ASH1L: variants seen among roughly 807,000 people sequenced by gnomAD.
The protein encoded by ASH1L is histone-lysine N-methyltransferase ASH1L.
In ASH1L, 23 loss-of-function variants were observed where a neutral mutation model predicts 269.0. The ratio of observed to expected loss-of-function variants is 0.09; its 90% confidence interval spans 0.06 to 0.12. ASH1L has a LOEUF of 0.12. ASH1L is among the 10% of genes least tolerant of loss of function. ASH1L has a pLI of 1.00. For synonymous variants in ASH1L, 1,187 were observed against 1,253.5 expected (o/e 0.95, Z 1.12); for missense variants, 2,912 against 3,567.8 (o/e 0.82, Z 4.68).
At chr1:155,372,152 C>T (rs1032126846) in intron 10 of ASH1L, among the ~76,000 whole-genome samples, 5 of 151,524 alleles carry the variant, frequency 3.3e-5, no homozygotes, top group South Asian at 2.1e-4. Flanking sequence ...CCACAACACC[C>T]GGGTAATTTT....
rs558503263 is a variant in ASH1L, at chr1:155,376,374, T to C, written c.6332+1907A>G. 2.6e-5 allele frequency among the ~76,000 whole-genome samples: 4 copies of C among 152,334 alleles called. No homozygotes were observed. In the South Asian group the frequency reaches 8.3e-4, roughly 32 times the overall value. ...AAGCTACTTTTGGCCATGAGAACTATCCAGAACAGGAAATACTGATGTAAA... is the reference window on the plus strand; with the variant it reads ...AAGCTACTTTTGGCCATGAGAACTACCCAGAACAGGAAATACTGATGTAAA... On this transcript the variant is annotated intron_variant, in intron 10 of 27. Coordinates refer to ENST00000392403, the MANE Select transcript of ASH1L (RefSeq NM_018489.3).
In ASH1L at chr1:155,562,479, C is replaced by A. The variant is rs1437003173; in HGVS notation, c.-426G>T. On this transcript the variant is annotated 5_prime_UTR_variant, in exon 1 of 28. Coordinates refer to ENST00000392403, the MANE Select transcript of ASH1L (RefSeq NM_018489.3). ...AGTGGCGGCGGTGGCGGCGGCAGCT[C>A]CTCCAGAGGGAGGGAGCGAAGGGCG... The A allele has an allele frequency of 4.8e-6, 7 of 1,472,732 alleles. No homozygotes were observed. In the Middle Eastern group the frequency reaches 7.0e-4, roughly 147 times the overall value. The allele number at this position is 1,472,732 out of a possible 1,614,324, so 91.2% of individuals were successfully genotyped here. A position where few individuals can be genotyped will look rare whatever the true frequency, so the allele number is the denominator to read the frequency against.
At chr1:155,433,751 C>G in intron 5 of ASH1L, 1 of 1,603,992 alleles carries the variant, frequency 6.2e-7, no homozygotes, top group Non-Finnish European at 8.5e-7. Context: ...TGAGGGTCTG[C>G]AGCTTAGCTT....
chr1:155,456,467 C>A (rs1346549501), intron 4 of ASH1L, among the ~76,000 whole-genome samples: 1 of 152,162 alleles, frequency 6.6e-6, no homozygotes, highest in Non-Finnish European at 1.5e-5. Flanking sequence ...GTTTAGGCTT[C>A]TGTGACATAT....
chr1:155,525,112 T>C (rs1669155548), intron 1 of ASH1L, among the ~76,000 whole-genome samples: 1 of 151,872 alleles, frequency 6.6e-6, no homozygotes, highest in Non-Finnish European at 1.5e-5. Flanking sequence ...CCCAGCATGG[T>C]GGTGCACACC....
chr1:155,503,180 T>C (rs935547174), intron 2 of ASH1L, among the ~76,000 whole-genome samples: 2 of 152,254 alleles, frequency 1.3e-5, no homozygotes, highest in Non-Finnish European at 2.9e-5. Context: ...TTTGTTTCAC[T>C]GTTTTTACTG....
At chr1:155,544,373 G>T (rs1670649337) in intron 1 of ASH1L, among the ~76,000 whole-genome samples, 1 of 150,228 alleles carries the variant, frequency 6.7e-6, no homozygotes, top group Non-Finnish European at 1.5e-5. Flanking sequence ...TGCAAGCTCT[G>T]CCTCCCGGGT....
intron 10 of ASH1L, among the ~76,000 whole-genome samples, chr1:155,373,466 A>G (rs914535578): frequency 6.6e-6 from 1 of 151,698 alleles, no homozygotes; most frequent in Non-Finnish European, 1.5e-5. Flanking sequence ...TAAAAAAAAA[A>G]TTATTTGTAG....
At chr1:155,510,083 A>C (rs768723411) in intron 2 of ASH1L, among the ~76,000 whole-genome samples, 1 of 152,194 alleles carries the variant, frequency 6.6e-6, no homozygotes, top group Non-Finnish European at 1.5e-5. Flanking sequence ...ATGGCAAAAT[A>C]ACATAACCAA....
At chr1:155,527,657 C>A (rs1385781302) in intron 1 of ASH1L, among the ~76,000 whole-genome samples, 1 of 151,586 alleles carries the variant, frequency 6.6e-6, no homozygotes, top group African/African-American at 2.4e-5. Flanking sequence ...CTGCCTCAGA[C>A]CCCAAGTAGC....
chr1:155,412,957 G>C (rs1243214235), intron 6 of ASH1L, among the ~76,000 whole-genome samples: 4 of 151,272 alleles, frequency 2.6e-5, no homozygotes, highest in Non-Finnish European at 5.9e-5. Flanking sequence ...TGCTCTTACA[G>C]ACTTCTTTGT....
At chr1:155,510,589 G>A (rs185375574) in intron 2 of ASH1L, among the ~76,000 whole-genome samples, 35 of 152,200 alleles carry the variant, frequency 2.3e-4, no homozygotes, top group African/African-American at 8.2e-4. Context: ...GAACATGTAT[G>A]TAGGGGATGC....
At chr1:155,562,819 C>T, upstream of ASH1L, 1 of 577,392 alleles carries the variant, frequency 1.7e-6, no homozygotes, top group East Asian at 4.2e-5. Flanking sequence ...CCTCCTCCTC[C>T]ACCTCCTCTT....
rs1570944154 is a variant in ASH1L at position 155,343,283 on chromosome 1, G to T, written c.8293+31C>A. The T allele has an allele frequency of 6.3e-7, 1 of 1,592,720 alleles. No homozygotes were observed. Among genetic ancestry groups the T allele is most frequent in the Non-Finnish European group, 8.6e-7 (1 of 1,168,606 alleles). On this transcript the variant is annotated intron_variant, in intron 24 of 27. Transcript: ENST00000392403. The surrounding 1 kb of genome is among the most constrained non-coding windows in gnomAD (Gnocchi z 6.1). ...AGCGTGAGCCACTGCACTTGGCCGA[G>T]GTCATTTTTTAACTAGCCCAGATCA...
rs757654497 is a variant in ASH1L at position 155,337,765 on chromosome 1, C to G, written c.8804-14G>C. ...TCACATCAATGGCTGAAAACAGAACCAAGGAGGCTCATCAAAATACCAATC... is the reference window on the plus strand; with the variant it reads ...TCACATCAATGGCTGAAAACAGAACGAAGGAGGCTCATCAAAATACCAATC... On this transcript the variant is annotated splice_polypyrimidine_tract_variant and intron_variant, in intron 27 of 27. Coordinates refer to ENST00000392403, the MANE Select transcript of ASH1L (RefSeq NM_018489.3). 2 of 1,609,300 alleles carry G rather than the reference C, an allele frequency of 1.2e-6. No individual in the cohort carries two copies. Among genetic ancestry groups the G allele is most frequent in the Non-Finnish European group, 1.7e-6 (2 of 1,175,744 alleles).
At chr1:155,512,983 G>A (rs979874114) in intron 2 of ASH1L, among the ~76,000 whole-genome samples, 2 of 151,888 alleles carry the variant, frequency 1.3e-5, no homozygotes, top group African/African-American at 4.8e-5. Flanking sequence ...CTTGAGCCCA[G>A]GAGGTCAAGG....
chr1:155,357,125 G>A (rs2148369691), intron 15 of ASH1L, among the ~76,000 whole-genome samples, 191 bp downstream of exon 15: 8 of 66,940 alleles, frequency 1.2e-4, no homozygotes, highest in Admixed American at 2.2e-4. Flanking sequence ...ACACAAAAGG[G>A]TAAGACTTAA....
At chr1:155,416,811 C>A (rs533719378) in intron 5 of ASH1L, among the ~76,000 whole-genome samples, 3 of 152,120 alleles carry the variant, frequency 2.0e-5, no homozygotes, top group African/African-American at 7.2e-5. Context: ...GGATTACAGG[C>A]ATGAGCCACT....
intron 5 of ASH1L, among the ~76,000 whole-genome samples, chr1:155,431,018 C>T (rs1661553700): frequency 6.6e-6 from 1 of 151,844 alleles, no homozygotes; most frequent in Non-Finnish European, 1.5e-5. Context: ...TCGAGACCAC[C>T]CTGGCCTATA....
Sources: gnomAD v4.1 joint callset for allele counts (sites outside exome capture counted in the v4.1 genomes callset) on GRCh38, gnomAD v4.1.1 for gene constraint, Gnocchi (gnomAD v3.1) non-coding constraint, MANE v1.5 for transcripts, NCBI Gene and HGNC (gene_info 2026-07-23, HGNC 2026-07-21) for gene names.